CHD1L: variants seen among roughly 807,000 people sequenced by gnomAD.
CHD1L encodes the protein chromodomain helicase DNA binding protein 1 like, also known as ATP-dependent chromatin remodeler CHD1L.
CHD1L carries 118 observed loss-of-function variants against 115.9 expected under a neutral mutation model. That is an observed-to-expected ratio of 1.02 (90% confidence interval 0.88 to 1.19). The LOEUF is 1.19. Ranked by LOEUF, CHD1L falls within the 50% of genes most tolerant of loss-of-function variation. The pLI is 0.00. For missense variants in CHD1L, 1,179 were observed against 1,065.3 expected (o/e 1.11, Z -1.49); for synonymous variants, 411 against 387.1 (o/e 1.06, Z -0.72).
chr1:147,201,587 G>A, the CHD1L span: 1 of 992,244 alleles, frequency 1.0e-6, no homozygotes. Context: ...CTTTGGTGGA[G>A]GTAAACAGGA....
intron 2 of CHD1L, among the ~76,000 whole-genome samples, chr1:147,254,598 A>G (rs1669465941): frequency 6.6e-6 from 1 of 152,200 alleles, no homozygotes; most frequent in Non-Finnish European, 1.5e-5. Flanking sequence ...TTTTCTTTAC[A>G]GTAGAGGTTC....
intron 1 of CHD1L, among the ~76,000 whole-genome samples, chr1:147,244,740 C>T (rs1250214800): frequency 1.3e-5 from 2 of 151,992 alleles, no homozygotes; most frequent in African/African-American, 4.8e-5. Context: ...TTAATGGTTA[C>T]AGTTTTTCAG....
chr1:147,246,215 G>A (rs936554674), intron 1 of CHD1L, among the ~76,000 whole-genome samples: 1 of 152,114 alleles, frequency 6.6e-6, no homozygotes, highest in African/African-American at 2.4e-5. Flanking sequence ...CATCCAGGTC[G>A]TTGCACGTAT....
chr1:147,291,063 T>A (rs1303505693), intron 19 of CHD1L, among the ~76,000 whole-genome samples: 1 of 152,202 alleles, frequency 6.6e-6, no homozygotes, highest in Non-Finnish European at 1.5e-5. Context: ...ACTATCAGTT[T>A]TACTTGATTT....
chr1:147,194,729 C>T, the CHD1L span, among the ~76,000 whole-genome samples: 46 of 151,978 alleles, frequency 3.0e-4, no homozygotes, highest in Middle Eastern at 3.4e-3. Context: ...TCAGCATTTG[C>T]TTGTCTGTAA....
chr1:147,276,745 A>G (rs1678613213), intron 14 of CHD1L, among the ~76,000 whole-genome samples: 1 of 152,152 alleles, frequency 6.6e-6, no homozygotes, highest in Non-Finnish European at 1.5e-5. Flanking sequence ...GGAGTACTGG[A>G]TGGGAGACAG....
the CHD1L span, chr1:147,225,292 T>C: frequency 7.9e-6 from 6 of 756,394 alleles, no homozygotes; most frequent in Middle Eastern, 4.3e-4. Flanking sequence ...CTCACCGCCT[T>C]TCCTGAAGCG....
chr1:147,201,395 A>T, the CHD1L span: 40 of 1,613,914 alleles, frequency 2.5e-5, no homozygotes, highest in Non-Finnish European at 3.2e-5. Context: ...CCATCCTCAA[A>T]TATGGCAGCT....
At chr1:147,196,473 C>A in the CHD1L span, among the ~76,000 whole-genome samples, 4 of 151,266 alleles carry the variant, frequency 2.6e-5, no homozygotes, top group South Asian at 8.4e-4. Context: ...TGGGAGACAC[C>A]CAATTCATAA....
the CHD1L span, among the ~76,000 whole-genome samples, chr1:147,180,980 CAA>C: frequency 6.6e-6 from 1 of 152,184 alleles, no homozygotes; most frequent in Non-Finnish European, 1.5e-5. Context: ...GCGGCCTAGA[CAA>C]GGGTCTAGAG....
intron 21 of CHD1L, 22 bp downstream of exon 21, chr1:147,293,744 CAA>C: frequency 6.3e-7 from 1 of 1,576,818 alleles, no homozygotes; most frequent in East Asian, 2.2e-5. Context: ...CACCTGTGCT[CAA>C]GAGTAGATGA....
chr1:147,276,902 C>G (rs12066130), intron 14 of CHD1L, among the ~76,000 whole-genome samples: 4,616 of 152,122 alleles, frequency 0.03, 226 homozygotes, highest in African/African-American at 0.11. Context: ...GCAAAGAGAC[C>G]AACTCCTAGG....
intron 8 of CHD1L, among the ~76,000 whole-genome samples, chr1:147,266,741 T>C (rs1268316667): frequency 1.3e-5 from 2 of 152,150 alleles, no homozygotes; most frequent in African/African-American, 4.8e-5. Context: ...AGTGCTTCCT[T>C]TAAGCAAAAA....
the CHD1L span, chr1:147,225,149 A>C: frequency 1.3e-6 from 2 of 1,557,804 alleles, no homozygotes; most frequent in Non-Finnish European, 1.7e-6. Context: ...ATTCGAATAA[A>C]TTCTGTACAA....
chr1:147,183,079 T>C, the CHD1L span, among the ~76,000 whole-genome samples: 2 of 152,092 alleles, frequency 1.3e-5, no homozygotes, highest in African/African-American at 4.8e-5. Context: ...ACACCTGTAG[T>C]CCCAGCTACA....
chr1:147,262,069 G>A (rs182270496), intron 6 of CHD1L, among the ~76,000 whole-genome samples: 1,578 of 151,972 alleles, frequency 0.01, 10 homozygotes, highest in Non-Finnish European at 0.016. Context: ...GGTGGTGGGC[G>A]CCTGTAGTCC....
At chr1:147,243,077 T>G in intron 1 of CHD1L, 1 of 338,496 alleles carries the variant, frequency 3.0e-6, no homozygotes. Flanking sequence ...TAGCCAGGCC[T>G]GGCCCCTGGC....
chr1:147,290,890 C>G (rs959069251), intron 19 of CHD1L, among the ~76,000 whole-genome samples: 1 of 152,026 alleles, frequency 6.6e-6, no homozygotes, highest in African/African-American at 2.4e-5. Context: ...TGGCTTCCAG[C>G]AATCCTCCCA....
At chr1:147,276,523 A>G (rs1678545165) in intron 14 of CHD1L, among the ~76,000 whole-genome samples, 1 of 152,218 alleles carries the variant, frequency 6.6e-6, no homozygotes, top group Non-Finnish European at 1.5e-5. Context: ...AAAAATAAAG[A>G]CACCACAGGT....
Sources: allele counts gnomAD v4.1 joint callset (sites outside exome capture counted in the v4.1 genomes callset), GRCh38; gene constraint gnomAD v4.1.1; transcripts MANE v1.5; gene names NCBI Gene and HGNC (gene_info 2026-07-23, HGNC 2026-07-21).